ADGRL2: variants seen among roughly 807,000 people sequenced by gnomAD.
ADGRL2 encodes the protein calcium-independent alpha-latrotoxin receptor 2.
In ADGRL2, 44 loss-of-function variants were observed where a neutral mutation model predicts 157.4. That is an observed-to-expected ratio of 0.28 (90% CI 0.22 to 0.36). ADGRL2 has a LOEUF of 0.36. Ranked by LOEUF, ADGRL2 falls within the 10% of genes least tolerant of loss-of-function variation. The pLI, the probability that ADGRL2 is intolerant of heterozygous loss-of-function variation, is 1.00. For missense variants in ADGRL2, 1,510 were observed against 1,768.9 expected (o/e 0.85, Z 2.63); for synonymous variants, 585 against 624.7 (o/e 0.94, Z 0.95).
At position 81,839,545 on chromosome 1, in the gene ADGRL2, C is replaced by G. The variant is rs188042738; in HGVS notation, c.73+2488C>G. On this transcript the variant is annotated intron_variant, in intron 2 of 23. Coordinates refer to ENST00000686636, the MANE Select transcript of ADGRL2 (RefSeq NM_001366006.2). ...CCCTTGTCCCACTCCTACTGTTCCC[C>G]CCAAGTCCCCAGAATCCATTGTGTT... is the stretch of plus-strand genomic sequence containing the variant. Among the ~76,000 whole-genome samples, 439 of 151,872 alleles carry G rather than the reference C, an allele frequency of 2.9e-3. 1 individual carries two copies. Among genetic ancestry groups the G allele is most frequent in the African/African-American group, 0.01 (425 of 41,462 alleles).
intron 16 of ADGRL2, among the ~76,000 whole-genome samples, 160 bp from the exon 17 acceptor site, chr1:81,971,692 A>G (rs560873465): frequency 6.6e-6 from 1 of 152,170 alleles, no homozygotes; most frequent in East Asian, 1.9e-4. Context: ...GTTAAGTCAA[A>G]GCCAACTCAG....
At chr1:81,637,091 G>T (rs1365935572) in intron 3 of ADGRL2, among the ~76,000 whole-genome samples, 1 of 152,058 alleles carries the variant, frequency 6.6e-6, no homozygotes, top group African/African-American at 2.4e-5. Flanking sequence ...TGATCCACCC[G>T]CCTCAGCCTC....
At chr1:81,882,881 A>T (rs1241059118) in intron 2 of ADGRL2, among the ~76,000 whole-genome samples, 1 of 152,166 alleles carries the variant, frequency 6.6e-6, no homozygotes. Flanking sequence ...TTTTTACTTG[A>T]CCCAATTACT....
intron 2 of ADGRL2, among the ~76,000 whole-genome samples, chr1:81,461,166 A>G (rs374290274): frequency 6.6e-6 from 1 of 152,132 alleles, no homozygotes; most frequent in East Asian, 1.9e-4. Flanking sequence ...CTTTGGCGAT[A>G]TTTCTAAGTT....
At chr1:81,557,818 A>G (rs916076928) in intron 2 of ADGRL2, 4 of 152,314 alleles carry the variant, frequency 2.6e-5, no homozygotes, top group African/African-American at 9.7e-5. Context: ...CATACCCCCT[A>G]GCGGAGCTGC....
At chr1:81,715,385 G>T (rs1375201615) in intron 1 of ADGRL2, among the ~76,000 whole-genome samples, 9 of 151,816 alleles carry the variant, frequency 5.9e-5, no homozygotes, top group Non-Finnish European at 2.9e-5. Context: ...GCAGACATTA[G>T]GTCTAAACAG....
intron 3 of ADGRL2, among the ~76,000 whole-genome samples, chr1:81,633,323 C>T (rs1163196792): frequency 6.6e-6 from 1 of 152,020 alleles, no homozygotes; most frequent in East Asian, 1.9e-4. Context: ...TGGGCGGGCG[C>T]AGTGGCTCAT....
chr1:81,420,643 A>C (rs910753097), intron 1 of ADGRL2, among the ~76,000 whole-genome samples: 1 of 152,166 alleles, frequency 6.6e-6, no homozygotes, highest in Non-Finnish European at 1.5e-5. Flanking sequence ...GAAAATCTTT[A>C]TCTGGCATAA....
chr1:81,529,864 T>C (rs1319003094), intron 2 of ADGRL2, among the ~76,000 whole-genome samples: 1 of 152,152 alleles, frequency 6.6e-6, no homozygotes, highest in East Asian at 1.9e-4. Flanking sequence ...GGATTTACTG[T>C]ATGGAAGTAG....
intron 2 of ADGRL2, among the ~76,000 whole-genome samples, chr1:81,865,341 G>A (rs1380731770): frequency 6.6e-6 from 1 of 152,158 alleles, no homozygotes; most frequent in East Asian, 1.9e-4. Flanking sequence ...AAAGATAAAT[G>A]TGAAATATTA....
intron 4 of ADGRL2, among the ~76,000 whole-genome samples, chr1:81,938,251 T>G (rs2148883166): frequency 6.6e-6 from 1 of 151,814 alleles, no homozygotes; most frequent in East Asian, 1.9e-4. Context: ...TCACTTTCAC[T>G]TGAATTTAGC....
At chr1:81,916,876 C>G (rs1020116695) in intron 3 of ADGRL2, among the ~76,000 whole-genome samples, 10 of 151,748 alleles carry the variant, frequency 6.6e-5, no homozygotes, top group Non-Finnish European at 1.0e-4. Flanking sequence ...TGGTTTACCC[C>G]AAATCCATAT....
chr1:81,899,435 T>C (rs2094449936), intron 2 of ADGRL2, among the ~76,000 whole-genome samples: 1 of 152,106 alleles, frequency 6.6e-6, no homozygotes, highest in South Asian at 2.1e-4. Flanking sequence ...TGCCGGGAGG[T>C]ATTTATTCCG....
chr1:81,882,105 G>A (rs748485046), intron 2 of ADGRL2, among the ~76,000 whole-genome samples: 5 of 152,196 alleles, frequency 3.3e-5, no homozygotes, highest in African/African-American at 7.2e-5. Flanking sequence ...GAAGAAAAAC[G>A]TGGACATAGA....
intron 1 of ADGRL2, chr1:81,306,561 C>A (rs1250894524): frequency 6.6e-6 from 1 of 152,132 alleles, no homozygotes; most frequent in Non-Finnish European, 1.5e-5. Context: ...ACTGTCTGCT[C>A]ATTATCAAAT....
intron 1 of ADGRL2, among the ~76,000 whole-genome samples, chr1:81,376,953 G>A (rs903988716): frequency 1.4e-4 from 22 of 152,156 alleles, no homozygotes; most frequent in Admixed American, 3.3e-4. Context: ...TTGAGAAACC[G>A]AGTAGGGAGG....
At chr1:81,745,430 G>A (rs924240126) in intron 1 of ADGRL2, among the ~76,000 whole-genome samples, 2 of 152,164 alleles carry the variant, frequency 1.3e-5, no homozygotes, top group African/African-American at 4.8e-5. Context: ...GGGAGAAATA[G>A]TGGGTATTAG....
chr1:81,990,319 T>G (rs1426270601), intron 23 of ADGRL2, 72 bp from the exon 24 acceptor site: 2 of 1,535,602 alleles, frequency 1.3e-6, no homozygotes, highest in Non-Finnish European at 1.7e-6. Flanking sequence ...TAAAAAGTTT[T>G]GTACAAAAGA....
intron 22 of ADGRL2, chr1:81,987,303 G>T (rs2149505575): frequency 6.3e-7 from 1 of 1,596,248 alleles, no homozygotes; most frequent in South Asian, 1.1e-5. Flanking sequence ...GACATCACAT[G>T]GTCTGAGAGC....
Sources: allele counts gnomAD v4.1 joint callset (sites outside exome capture counted in the v4.1 genomes callset), GRCh38; gene constraint gnomAD v4.1.1; transcripts MANE v1.5; gene names NCBI Gene and HGNC (gene_info 2026-07-23, HGNC 2026-07-21).